The following ROR2 variants were observed in gnomAD, a reference collection of about 807,000 sequenced individuals.
ROR2 encodes the protein tyrosine-protein kinase transmembrane receptor ROR2.
A neutral mutation model predicts 74.9 loss-of-function variants in ROR2; 33 were observed. The ratio of observed to expected loss-of-function variants is 0.44; its 90% CI spans 0.33 to 0.59. The LOEUF (loss-of-function observed/expected upper bound fraction) is 0.59, where lower values mean the gene tolerates loss of function less well. Ranked by LOEUF, ROR2 falls within the 20% of genes least tolerant of loss-of-function variation. ROR2 has a pLI of 0.02. For missense variants in ROR2, 1,216 were observed against 1,313.8 expected, an observed-to-expected ratio of 0.93 and a Z score of 1.15; for synonymous variants, 586 against 558.7, an observed-to-expected ratio of 1.05 and a Z score of -0.69.
chr9:91,773,873 C>G (rs1339868520), intron 2 of ROR2, among the ~76,000 whole-genome samples: 1 of 152,224 alleles, frequency 6.6e-6, no homozygotes, highest in Non-Finnish European at 1.5e-5. Flanking sequence ...ATGTGTTCCT[C>G]TTCTACCCTC....
rs1010625594 is a variant in ROR2 at position 91,950,106 on chromosome 9, C to T, written c.-143G>A. ...GGGTCCACTTCGAGGACCTCGTCGT[C>T]GTCCTCTTCTCCGGCCCGGATGCGC... is the stretch of plus-strand genomic sequence containing the variant. On this transcript the variant is annotated 5_prime_UTR_variant, in exon 1 of 9. Coordinates refer to ENST00000375708, the MANE Select transcript of ROR2 (RefSeq NM_004560.4). 1.8e-5 allele frequency: 8 copies of T among 437,690 alleles called. No homozygotes were observed. The highest frequency in any genetic ancestry group is 2.4e-5 in the Non-Finnish European group (6 of 253,928). 27.1% of individuals were successfully genotyped at this position (437,690 alleles called of 1,614,324 possible). A position where few individuals can be genotyped will look rare whatever the true frequency, so the allele number is the denominator to read the frequency against.
intron 1 of ROR2, among the ~76,000 whole-genome samples, chr9:91,780,683 T>C (rs976284407): frequency 2.0e-5 from 3 of 151,670 alleles, no homozygotes; most frequent in Non-Finnish European, 4.4e-5. Flanking sequence ...CCCAGCTACT[T>C]GGGAGGCTGA....
rs757948078 is a variant in ROR2 at position 91,733,315 on chromosome 9, C to T, written c.744G>A (p.Pro248=). ...LCDARSRTPK[P]RELCRDECEV... is the part of the protein sequence containing the mutation. The stretch of plus-strand genomic sequence containing the variant: ...CGCACTCGTCGCGGCACAGCTCACG[C>T]GGCTTGGGTGTCCGGGAGCGCGCGT... Residue 248 remains proline, a synonymous_variant, in exon 6 of 9, where the codon CCG becomes CCA. Coordinates refer to ENST00000375708, the MANE Select transcript of ROR2 (RefSeq NM_004560.4). This position sits in a 1 kb window ranked among gnomAD's most constrained non-coding sequence, Gnocchi z 5.7. 1.7e-4 allele frequency: 267 copies of T among 1,612,736 alleles called. 3 individuals are homozygous for T. Among genetic ancestry groups the T allele is most frequent in the South Asian group, 1.5e-3 (138 of 90,974 alleles).
At chr9:91,912,583 T>G (rs1280928023) in intron 1 of ROR2, among the ~76,000 whole-genome samples, 1 of 152,216 alleles carries the variant, frequency 6.6e-6, no homozygotes, top group Admixed American at 6.5e-5. Context: ...TGCCAGGATG[T>G]GCTTTCTTCC....
intron 1 of ROR2, among the ~76,000 whole-genome samples, chr9:91,822,618 G>GC (rs1366248686): frequency 5.9e-5 from 9 of 152,172 alleles, no homozygotes; most frequent in Non-Finnish European, 1.3e-4. Flanking sequence ...CCTGATTCAG[G>GC]CAAGACTCAC....
intron 1 of ROR2, among the ~76,000 whole-genome samples, chr9:91,875,638 C>T (rs1829934758): frequency 1.3e-5 from 2 of 152,066 alleles, no homozygotes; most frequent in Admixed American, 6.5e-5. Flanking sequence ...ACAAATCACT[C>T]CAGGGGAAAC....
intron 1 of ROR2, among the ~76,000 whole-genome samples, chr9:91,902,046 G>C (rs374457247): frequency 1.3e-5 from 2 of 151,966 alleles, no homozygotes; most frequent in African/African-American, 4.8e-5. Context: ...TCCACACAAC[G>C]GTTAACATTC....
At chr9:91,929,353 T>C (rs1186031977) in intron 1 of ROR2, among the ~76,000 whole-genome samples, 1 of 151,908 alleles carries the variant, frequency 6.6e-6, no homozygotes, top group Admixed American at 6.6e-5. Context: ...CAGAGGAAAA[T>C]TTAAAAGCTC....
chr9:91,882,551 G>A (rs1368387971), intron 1 of ROR2, among the ~76,000 whole-genome samples: 1 of 152,080 alleles, frequency 6.6e-6, no homozygotes, highest in Non-Finnish European at 1.5e-5. Flanking sequence ...TTATCAAAAG[G>A]TCAAAAACAG....
chr9:91,860,554 G>A (rs956299807), intron 1 of ROR2, among the ~76,000 whole-genome samples: 2 of 152,174 alleles, frequency 1.3e-5, no homozygotes, highest in South Asian at 2.1e-4. Context: ...ATACGCAGTC[G>A]GCAGTCTGCA....
chr9:91,780,621 T>C (rs1297872253), intron 1 of ROR2, among the ~76,000 whole-genome samples: 1 of 151,470 alleles, frequency 6.6e-6, no homozygotes, highest in Non-Finnish European at 1.5e-5. Context: ...TGAAATCCCA[T>C]CTGTACTAAA....
At chr9:91,878,952 G>A (rs1443216921) in intron 1 of ROR2, among the ~76,000 whole-genome samples, 1 of 152,104 alleles carries the variant, frequency 6.6e-6, no homozygotes, top group Non-Finnish European at 1.5e-5. Context: ...TGAGGCAGGA[G>A]AATGGCGTGA....
intron 1 of ROR2, among the ~76,000 whole-genome samples, chr9:91,839,804 C>T (rs1828729893): frequency 1.3e-5 from 2 of 151,690 alleles, no homozygotes; most frequent in Admixed American, 6.6e-5. Context: ...GGGGGAGCCT[C>T]GGGAGCCAGA....
intron 1 of ROR2, among the ~76,000 whole-genome samples, chr9:91,920,236 G>A (rs569131939): frequency 4.6e-5 from 7 of 152,332 alleles, no homozygotes; most frequent in African/African-American, 1.7e-4. Flanking sequence ...GCCGGGCGTA[G>A]TGGCTCATGC....
In ROR2 at chr9:91,724,350, T is replaced by C. The variant is rs1348000052; in HGVS notation, c.2144A>G (p.Asp715Gly). The C allele has an allele frequency of 1.2e-6, 2 of 1,613,620 alleles. No individual in the cohort carries two copies. Among genetic ancestry groups the C allele is most frequent in the African/African-American group, 1.3e-5 (1 of 75,044 alleles). Residue 715 changes from aspartate to glycine, a missense_variant, in exon 9 of 9, where the codon GAT (aspartate) becomes GGT (glycine). By Grantham distance (94) the Asp-to-Gly change is moderately conservative. Coordinates refer to ENST00000375708, the MANE Select transcript of ROR2 (RefSeq NM_004560.4). ...IRNRQVLPCP[D>G]DCPAWVYALM... ...GGCATACACCCAGGCGGGACAGTCA[T>C]CGGGGCAAGGCAGCACCTGCCGGTT...
intron 1 of ROR2, among the ~76,000 whole-genome samples, chr9:91,898,501 A>AC (rs150396478): frequency 3.1e-4 from 47 of 152,156 alleles, no homozygotes; most frequent in African/African-American, 1.1e-3. Context: ...ACAGAACCCC[A>AC]CCCCTTTATT....
At chr9:91,786,859 T>A (rs10820902) in intron 1 of ROR2, among the ~76,000 whole-genome samples, 9,032 of 152,140 alleles carry the variant, frequency 0.059, 509 homozygotes, top group Admixed American at 0.16. Context: ...TGACCCTGAA[T>A]TTAAAATGAA....
intron 1 of ROR2, among the ~76,000 whole-genome samples, chr9:91,796,906 G>A (rs374261389): frequency 2.8e-5 from 3 of 106,042 alleles, no homozygotes; most frequent in Non-Finnish European, 1.9e-5. Flanking sequence ...ATCTGTGGAT[G>A]GGGCTGACAC....
intron 4 of ROR2, among the ~76,000 whole-genome samples, chr9:91,747,021 A>C (rs761203870): frequency 1.3e-5 from 2 of 152,084 alleles, no homozygotes; most frequent in African/African-American, 2.4e-5. Context: ...CTCCCACTAG[A>C]AGCAGGACCT....
Sources: gnomAD v4.1 joint callset for allele counts (sites outside exome capture counted in the v4.1 genomes callset) on GRCh38, gnomAD v4.1.1 for gene constraint, Gnocchi (gnomAD v3.1) non-coding constraint, MANE v1.5 for transcripts, NCBI Gene and HGNC (gene_info 2026-07-23, HGNC 2026-07-21) for gene names.